The following KCNMA1 variants were observed in gnomAD, a reference collection of about 807,000 sequenced individuals.
KCNMA1 encodes the protein potassium calcium-activated channel subfamily M alpha 1.
Under a neutral mutation model 140.0 loss-of-function variants are expected in KCNMA1, and 29 were observed. The observed-to-expected ratio is 0.21, with a 90% CI of 0.15 to 0.28. KCNMA1 has a LOEUF of 0.28. Among genes scored for constraint, KCNMA1 ranks in the 10% least tolerant of loss-of-function variants. The pLI, the probability that KCNMA1 is intolerant of heterozygous loss-of-function variation, is 1.00. For missense variants in KCNMA1, 880 were observed against 1,602.2 expected (o/e 0.55, Z 7.70); for synonymous variants, 612 against 611.9 (o/e 1.00, Z 0.00).
At chr10:77,390,560 C>T (rs1296470784) in intron 2 of KCNMA1, among the ~76,000 whole-genome samples, 3 of 152,204 alleles carry the variant, frequency 2.0e-5, no homozygotes, top group African/African-American at 7.2e-5. Context: ...GAAAACAACT[C>T]CTTTCCTTTG....
intron 1 of KCNMA1, among the ~76,000 whole-genome samples, chr10:77,448,948 G>A (rs186190132): frequency 2.6e-5 from 4 of 151,994 alleles, no homozygotes; most frequent in Admixed American, 6.6e-5. Flanking sequence ...TTAGCCAGGC[G>A]TAGTGGTGCA....
intron 1 of KCNMA1, among the ~76,000 whole-genome samples, chr10:77,533,264 C>T (rs1446953824): frequency 6.6e-6 from 1 of 152,066 alleles, no homozygotes; most frequent in African/African-American, 2.4e-5. Flanking sequence ...TCAGACACAA[C>T]CAGAGCCCCA....
At chr10:76,952,026 T>C in intron 21 of KCNMA1, 1 of 1,551,580 alleles carries the variant, frequency 6.4e-7, no homozygotes, top group Non-Finnish European at 8.7e-7. Context: ...AGGATAGAAG[T>C]AGTAACTCAC....
At chr10:77,225,558 C>T (rs1047333896) in intron 3 of KCNMA1, among the ~76,000 whole-genome samples, 5 of 152,218 alleles carry the variant, frequency 3.3e-5, no homozygotes, top group African/African-American at 9.6e-5. Context: ...CTCCTCCCCA[C>T]ACAGGCCTGC....
At chr10:77,548,371 T>C (rs1237295868) in intron 1 of KCNMA1, among the ~76,000 whole-genome samples, 1 of 152,238 alleles carries the variant, frequency 6.6e-6, no homozygotes, top group Non-Finnish European at 1.5e-5. Context: ...AGAGGGCATG[T>C]GGTCAGATGT....
chr10:76,962,443 T>C (rs1223593894), intron 20 of KCNMA1, among the ~76,000 whole-genome samples: 1 of 152,154 alleles, frequency 6.6e-6, no homozygotes, highest in East Asian at 1.9e-4. Flanking sequence ...GATGAGAGGC[T>C]TGATTAAAAG....
intron 1 of KCNMA1, among the ~76,000 whole-genome samples, chr10:77,433,363 G>T (rs1481719426): frequency 6.6e-6 from 1 of 152,164 alleles, no homozygotes; most frequent in Non-Finnish European, 1.5e-5. Context: ...ATGTTGGTCA[G>T]GCTGGTCTTG....
intron 23 of KCNMA1, among the ~76,000 whole-genome samples, chr10:76,928,327 A>G (rs1016062398): frequency 1.3e-5 from 2 of 151,610 alleles, no homozygotes; most frequent in Non-Finnish European, 2.9e-5. Context: ...ACACACACAT[A>G]TTTAGACCTA....
At chr10:77,266,430 T>C (rs990956809) in intron 2 of KCNMA1, among the ~76,000 whole-genome samples, 1 of 152,196 alleles carries the variant, frequency 6.6e-6, no homozygotes, top group Non-Finnish European at 1.5e-5. Context: ...TGACTTCTCT[T>C]GTGTGCTCTG....
chr10:77,182,950 A>G (rs1173900856), intron 5 of KCNMA1, among the ~76,000 whole-genome samples: 2 of 152,184 alleles, frequency 1.3e-5, no homozygotes, highest in Non-Finnish European at 2.9e-5. Context: ...AAGAAGCTTC[A>G]TCTCTCCCTG....
intron 16 of KCNMA1, among the ~76,000 whole-genome samples, chr10:77,023,092 C>T (rs1263125453): frequency 6.6e-6 from 1 of 152,184 alleles, no homozygotes; most frequent in Non-Finnish European, 1.5e-5. Flanking sequence ...AGAGGAGCAC[C>T]GCGTCTCAAG....
At chr10:77,128,582 A>G (rs2097790327) in intron 5 of KCNMA1, among the ~76,000 whole-genome samples, 1 of 152,046 alleles carries the variant, frequency 6.6e-6, no homozygotes, top group Admixed American at 6.6e-5. Flanking sequence ...AGGGAGTATT[A>G]AGGCTCCAGA....
In KCNMA1 at chr10:76,914,379, A is replaced by C. The variant is rs202083726; in HGVS notation, c.3016+557T>G. The C allele has an allele frequency of 1.5e-5, 8 of 536,374 alleles. No individual in the cohort carries two copies. In the East Asian group the frequency reaches 2.3e-4, roughly 16 times the overall value. The allele number at this position is 536,374 out of a possible 1,614,324, so 33.2% of individuals were successfully genotyped here. ...ATTGTCCAACCAACATGGCCCTCAA[A>C]ACCCCATCATTTTGGGGGCCAGAAT... On this transcript the variant is annotated intron_variant, in intron 24 of 27. Transcript: ENST00000286628.
intron 23 of KCNMA1, among the ~76,000 whole-genome samples, chr10:76,918,845 C>T (rs887854742): frequency 6.6e-6 from 1 of 151,746 alleles, no homozygotes; most frequent in Non-Finnish European, 1.5e-5. Flanking sequence ...AACCCAAATG[C>T]CCATTAATCA....
At chr10:77,549,680 T>C (rs1324700412) in intron 1 of KCNMA1, among the ~76,000 whole-genome samples, 4 of 152,246 alleles carry the variant, frequency 2.6e-5, no homozygotes, top group Non-Finnish European at 5.9e-5. Flanking sequence ...TTTCCTTTTT[T>C]CTGTCTCCAC....
At chr10:76,993,158 T>A (rs2083262992) in intron 19 of KCNMA1, among the ~76,000 whole-genome samples, 1 of 152,170 alleles carries the variant, frequency 6.6e-6, no homozygotes, top group South Asian at 2.1e-4. Context: ...AGCCAATACT[T>A]CACACCAGCA....
At chr10:77,535,714 A>T (rs948536767) in intron 1 of KCNMA1, among the ~76,000 whole-genome samples, 1 of 152,240 alleles carries the variant, frequency 6.6e-6, no homozygotes, top group Non-Finnish European at 1.5e-5. Context: ...TCAGCCATAC[A>T]AAAGAATGGA....
Position 77,637,295 on chromosome 10 carries a change from G to C in KCNMA1, c.348C>G (p.Thr116=), listed in dbSNP as rs200178895. Residue 116 remains threonine, a synonymous_variant, in exon 1 of 28, where the codon ACC becomes ACG. Transcript: ENST00000286628. ...LLWRTLKYLW[T]VCCHCGGKTK... Reference sequence around the variant, plus strand: ...TCTTGCCCCCGCAGTGGCAGCACACGGTCCACAGGTACTTGAGCGTCCGCC... The same window carrying C: ...TCTTGCCCCCGCAGTGGCAGCACACCGTCCACAGGTACTTGAGCGTCCGCC... 26 of 1,610,128 alleles carry C rather than the reference G, an allele frequency of 1.6e-5. No homozygotes were observed. Among genetic ancestry groups the C allele is most frequent in the Non-Finnish European group, 3.4e-6 (4 of 1,177,470 alleles).
chr10:77,614,316 G>T (rs936226885), intron 1 of KCNMA1, among the ~76,000 whole-genome samples: 2 of 152,046 alleles, frequency 1.3e-5, no homozygotes, highest in Admixed American at 1.3e-4. Context: ...TTTGGTGCTG[G>T]GAATACAGAA....
Sources: allele counts gnomAD v4.1 joint callset (sites outside exome capture counted in the v4.1 genomes callset), GRCh38; gene constraint gnomAD v4.1.1; transcripts MANE v1.5; gene names NCBI Gene and HGNC (gene_info 2026-07-23, HGNC 2026-07-21).